PLD1: variants seen among roughly 807,000 people sequenced by gnomAD.
PLD1 encodes the protein choline phosphatase 1.
In PLD1, 112 loss-of-function variants were observed where a neutral mutation model predicts 137.1. That is an observed-to-expected ratio of 0.82 (90% confidence interval 0.70 to 0.96). The LOEUF is 0.96. Among genes scored for constraint, PLD1 ranks in the 40% least tolerant of loss-of-function variants. The probability of loss-of-function intolerance (pLI) is 0.00; values close to 1 mark genes in which losing one functional copy is unlikely to be tolerated. For synonymous variants in PLD1, 431 were observed against 454.7 expected (o/e 0.95, Z 0.66); for missense variants, 1,321 against 1,342.0 (o/e 0.98, Z 0.24).
Position 171,680,242 on chromosome 3 carries a change from CTTTT to C in PLD1, c.1868-2552_1868-2549del, listed in dbSNP as rs571538714. 8.7e-5 allele frequency among the ~76,000 whole-genome samples: 9 copies of C among 102,906 alleles called. 1 individual carries two copies. Among genetic ancestry groups the C allele is most frequent in the South Asian group, 6.8e-4 (2 of 2,926 alleles). 67.5% of individuals were successfully genotyped at this position (102,906 alleles called of 152,430 possible). A position where few individuals can be genotyped will look rare whatever the true frequency, so the allele number is the denominator to read the frequency against. On this transcript the variant is annotated intron_variant, in intron 16 of 26. Coordinates refer to ENST00000351298, the MANE Select transcript of PLD1 (RefSeq NM_002662.5). ...GTCTTTTTGTTTTCTTTTTCTTCCT[CTTTT>C]TTTTTTTTTTTTTTTTTTTTTTGAG...
chr3:171,659,210 T>G lies in PLD1; in HGVS notation c.2429+3A>C. 6.3e-7 allele frequency: 1 copy of G among 1,599,276 alleles called. No individual in the cohort carries two copies. The highest frequency in any genetic ancestry group is 8.6e-7 in the Non-Finnish European group (1 of 1,166,412). The stretch of plus-strand genomic sequence containing the variant: ...GCGAGAACTCTCAGCCAAAGGCTGT[T>G]ACCTGTGAGCTTTCAGGATCCTCTG... On this transcript the variant is annotated splice_donor_region_variant and intron_variant, in intron 21 of 26. Transcript: ENST00000351298.
At position 171,643,019 on chromosome 3, in the gene PLD1, T is replaced by C. The variant is rs1275315141; in HGVS notation, c.2544-130A>G. ...CTTCTATGAGAAGATGCTACATATA[T>C]ATCTAAATGCTAAAAACAGTTACAT... On this transcript the variant is annotated intron_variant, in intron 22 of 26. Transcript: ENST00000351298. 17 of 613,824 alleles carry C rather than the reference T, an allele frequency of 2.8e-5. No individual in the cohort carries two copies. The East Asian group carries it at 5.4e-4, about 19-fold the overall frequency. The allele number at this position is 613,824 out of a possible 1,614,324, so 38.0% of individuals were successfully genotyped here.
chr3:171,652,677 C>T (rs1736882224), intron 21 of PLD1, among the ~76,000 whole-genome samples: 1 of 151,044 alleles, frequency 6.6e-6, no homozygotes, highest in Non-Finnish European at 1.5e-5. Flanking sequence ...TCATGGCGCA[C>T]TGCAGCCTTC....
chr3:171,674,732 C>T (rs990612223), intron 18 of PLD1, 119 bp from the exon 19 acceptor site: 1 of 522,322 alleles, frequency 1.9e-6, no homozygotes, highest in Non-Finnish European at 3.5e-6. Flanking sequence ...AATCCCAGCA[C>T]TTTGGGAGGC....
chr3:171,787,667 A>G (rs933443972), intron 1 of PLD1, among the ~76,000 whole-genome samples: 1 of 152,178 alleles, frequency 6.6e-6, no homozygotes, highest in African/African-American at 2.4e-5. Flanking sequence ...ATGGTGTGGT[A>G]TGTGTATGTG....
At chr3:171,774,038 G>A (rs865830413) in intron 1 of PLD1, among the ~76,000 whole-genome samples, 1 of 152,186 alleles carries the variant, frequency 6.6e-6, no homozygotes. Flanking sequence ...GTGAGCCACC[G>A]CGCCCGGCTA....
Position 171,687,500 on chromosome 3 carries a change from C to T in PLD1, c.1624G>A (p.Asp542Asn). The change falls in exon 15 of 27, where the codon GAT becomes AAT. Residue 542 changes from aspartate (D) to asparagine (N), a missense_variant. By Grantham distance (23) the Asp-to-Asn change is conservative. Transcript: ENST00000351298. Reference sequence around the variant, plus strand: ...CCTTTCAGTTTTGAATCCACATCATCAATACTCTTCTGGATGGGTAGGTTT... The same window carrying T: ...CCTTTCAGTTTTGAATCCACATCATTAATACTCTTCTGGATGGGTAGGTTT... ...VQNLPIQKSI[D>N]DVDSKLKGIG... The T allele has an allele frequency of 6.2e-7, 1 of 1,613,974 alleles. No individual in the cohort carries two copies. The highest frequency in any genetic ancestry group is 8.5e-7 in the Non-Finnish European group (1 of 1,179,866).
Position 171,768,298 on chromosome 3 carries a change from G to A in PLD1, c.-31-30216C>T, listed in dbSNP as rs1026535908. Among the ~76,000 whole-genome samples the A allele has an allele frequency of 5.3e-5, 8 of 152,136 alleles. No individual in the cohort carries two copies. The South Asian group carries it at 1.0e-3, about 20-fold the overall frequency. On this transcript the variant is annotated intron_variant, in intron 1 of 26. Transcript: ENST00000351298. The stretch of plus-strand genomic sequence containing the variant: ...CACAATCTCCCACATTTTCTGGTAC[G>A]TAACCATAAGACCTATGTGCACACA...
At chr3:171,671,989 C>T (rs748857664) in intron 19 of PLD1, among the ~76,000 whole-genome samples, 13 of 150,732 alleles carry the variant, frequency 8.6e-5, no homozygotes, top group African/African-American at 2.9e-4. Context: ...GCCCCCACCC[C>T]GCCCCCGCCC....
chr3:171,623,704 C>A (rs1733843458), intron 23 of PLD1, among the ~76,000 whole-genome samples: 1 of 151,668 alleles, frequency 6.6e-6, no homozygotes, highest in Admixed American at 6.6e-5. Context: ...ACAGATACAC[C>A]AGTGAATGGG....
At chr3:171,615,622 T>C (rs571145228) in intron 24 of PLD1, among the ~76,000 whole-genome samples, 24 of 152,348 alleles carry the variant, frequency 1.6e-4, no homozygotes, top group Admixed American at 2.6e-4. Flanking sequence ...TTAATTTATA[T>C]AAGTGGAATC....
At chr3:171,745,402 G>A (rs1022275709) in intron 1 of PLD1, among the ~76,000 whole-genome samples, 1 of 152,178 alleles carries the variant, frequency 6.6e-6, no homozygotes, top group African/African-American at 2.4e-5. Context: ...GATGGGCTGG[G>A]TCCATCTGCA....
chr3:171,710,942 T>G (rs1011371466), intron 9 of PLD1, among the ~76,000 whole-genome samples: 15 of 146,736 alleles, frequency 1.0e-4, no homozygotes, highest in Non-Finnish European at 1.5e-4. Context: ...GGCGCTATCT[T>G]GGCTCACTGC....
At chr3:171,802,713 C>T (rs550665351) in intron 1 of PLD1, among the ~76,000 whole-genome samples, 8 of 152,324 alleles carry the variant, frequency 5.3e-5, no homozygotes, top group African/African-American at 1.9e-4. Flanking sequence ...ACGCTAGCTG[C>T]CTTCCTAGTT....
chr3:171,674,751 G>A lies in PLD1; in HGVS notation c.2116-138C>T, dbSNP rs552778854. The A allele has an allele frequency of 1.4e-3, 680 of 479,474 alleles. 3 individuals are homozygous for A. Among genetic ancestry groups the A allele is most frequent in the Admixed American group, 3.2e-3 (93 of 29,268 alleles). 29.7% of individuals were successfully genotyped at this position (479,474 alleles called of 1,614,324 possible). On this transcript the variant is annotated intron_variant, in intron 18 of 26. Transcript: ENST00000351298. ...CCAGCACTTTGGGAGGCCAAGAAGC[G>A]GGGATCACTTGAGGTCAGGAGTTCG...
chr3:171,633,702 C>G (rs1391093265), intron 23 of PLD1, among the ~76,000 whole-genome samples: 1 of 152,134 alleles, frequency 6.6e-6, no homozygotes, highest in African/African-American at 2.4e-5. Flanking sequence ...GAAAGGACAT[C>G]AAGAATTGTT....
intron 25 of PLD1, among the ~76,000 whole-genome samples, chr3:171,608,271 TA>T (rs1732369061): frequency 6.6e-6 from 1 of 152,166 alleles, no homozygotes; most frequent in African/African-American, 2.4e-5. Context: ...TGAAGAACAA[TA>T]AAATATTCAT....
At chr3:171,709,764 C>T (rs1260751653) in intron 9 of PLD1, 55 bp from the exon 10 acceptor site, 1 of 1,478,556 alleles carries the variant, frequency 6.8e-7, no homozygotes, top group South Asian at 1.3e-5. Context: ...CTATCTCATG[C>T]TCTTTTTTAT....
chr3:171,802,905 C>T (rs762175792), intron 1 of PLD1, among the ~76,000 whole-genome samples: 3 of 152,214 alleles, frequency 2.0e-5, no homozygotes. Flanking sequence ...TACACAGGTG[C>T]CAGGGCTGGA....
Sources: gnomAD v4.1 joint callset for allele counts (sites outside exome capture counted in the v4.1 genomes callset) on GRCh38, gnomAD v4.1.1 for gene constraint, MANE v1.5 for transcripts, NCBI Gene and HGNC (gene_info 2026-07-23, HGNC 2026-07-21) for gene names.